SLC7A4: variants seen among roughly 807,000 people sequenced by gnomAD.
The protein encoded by SLC7A4 is cationic amino acid transporter 4.
SLC7A4 carries 30 observed loss-of-function variants against 37.8 expected under a neutral mutation model. The ratio of observed to expected loss-of-function variants is 0.79; its 90% CI spans 0.59 to 1.08. The LOEUF is 1.08. Ranked by LOEUF, SLC7A4 falls within the 50% of genes least tolerant of loss-of-function variation. The pLI, the probability that SLC7A4 is intolerant of heterozygous loss-of-function variation, is 0.00. For missense variants in SLC7A4, 839 were observed against 843.2 expected (o/e 1.00, Z 0.06); for synonymous variants, 359 against 376.5 (o/e 0.95, Z 0.54).
rs753835277 is a variant in SLC7A4 at position 21,031,746 on chromosome 22, G to T, written c.67C>A (p.Pro23Thr). 3.8e-6 allele frequency: 6 copies of T among 1,587,414 alleles called. No individual in the cohort carries two copies. Among genetic ancestry groups the T allele is most frequent in the Non-Finnish European group, 5.1e-6 (6 of 1,167,364 alleles). The change falls in exon 2 of 5, where the codon CCG becomes ACG. Residue 23 changes from proline (P) to threonine (T), a missense_variant. Physicochemically the swap from Pro to Thr is conservative, Grantham distance 38. Coordinates refer to ENST00000382932, the MANE Select transcript of SLC7A4 (RefSeq NM_004173.3). Reference sequence around the variant, plus strand: ...GTCTCCATGGTGGAGTCCTCCAGCGGCTTCAGGCGGTTCAGCTTCTGGCAT... The same window carrying T: ...GTCTCCATGGTGGAGTCCTCCAGCGTCTTCAGGCGGTTCAGCTTCTGGCAT... Reference protein sequence around the residue: ...RLCQKLNRLKPLEDSTMETSL... With the variant: ...RLCQKLNRLKTLEDSTMETSL...
chr22:21,030,287 G>A lies in SLC7A4; in HGVS notation c.1047C>T (p.Ala349=), dbSNP rs371200034. The A allele has an allele frequency of 1.5e-4, 240 of 1,613,688 alleles. 1 individual carries two copies. The South Asian group carries it at 2.4e-3, about 16-fold the overall frequency. The change falls in exon 3 of 5, where the codon GCC becomes GCT. Residue 349 remains alanine (A), a synonymous_variant. Coordinates refer to ENST00000382932, the MANE Select transcript of SLC7A4 (RefSeq NM_004173.3). ...CAAACACCTGGAAGAAGAGCCCATCGGCGGCCATGGCATAGACAATGCGTG... is the reference window on the plus strand; with the variant it reads ...CAAACACCTGGAAGAAGAGCCCATCAGCGGCCATGGCATAGACAATGCGTG... ...SLPRIVYAMA[A]DGLFFQVFAH... is the part of the protein sequence containing the mutation.
At position 21,030,828 on chromosome 22, in the gene SLC7A4, CA is replaced by C; in HGVS notation, c.982+2del. The C allele has an allele frequency of 6.4e-7, 1 of 1,567,600 alleles. No homozygotes were observed. Among genetic ancestry groups the C allele is most frequent in the Non-Finnish European group, 8.6e-7 (1 of 1,157,356 alleles). ...GCCACCCTGCCCAGGAAGAGTCTCT[CA>C]CCGCAGATGGAGCCAGCTGCCACGA... On this transcript the variant is annotated splice_donor_variant, in intron 2 of 4. Transcript: ENST00000382932. LOFTEE classifies it high-confidence loss of function.
chr22:21,029,638 C>G, intron 3 of SLC7A4, 73 bp downstream of exon 3: 16 of 1,499,372 alleles, frequency 1.1e-5, no homozygotes, highest in Non-Finnish European at 1.4e-5. Context: ...CTTGTTCATT[C>G]TGGGATGGTA....
At chr22:21,030,450 A>G (rs1928849282) in intron 2 of SLC7A4, 99 bp from the exon 3 acceptor site, 3 of 1,243,006 alleles carry the variant, frequency 2.4e-6, no homozygotes, top group Admixed American at 2.5e-5. Flanking sequence ...GAACAAGGGC[A>G]TGAGCTTGTC....
rs145135236 is a variant in SLC7A4 at position 21,029,360 on chromosome 22, G to C, written c.1708C>G (p.Arg570Gly). ...MLKLSYLTWV[R>G]FSIWLLMGLA... ...CCCATCAGCAGCCAGATGGAGAAGC[G>C]CACCCAGGTCAGATAGCTAAGTTTC... is the stretch of plus-strand genomic sequence containing the variant. Residue 570 changes from arginine (R) to glycine (G), a missense_variant, in exon 4 of 5, where the codon CGC (arginine) becomes GGC (glycine). Transcript: ENST00000382932. The C allele has an allele frequency of 6.2e-7, 1 of 1,613,518 alleles. No homozygotes were observed. Among genetic ancestry groups the C allele is most frequent in the African/African-American group, 1.3e-5 (1 of 74,904 alleles).
At position 21,032,516 on chromosome 22, in the gene SLC7A4, T is replaced by G. The variant is rs1290581461; in HGVS notation, c.-41+15A>C. ...CGTCCCAGTCCCCGTCCCCGCAGGA[T>G]CTGCTGCAACCCACCTGCTGCTGCC... On this transcript the variant is annotated intron_variant, in intron 1 of 4. Transcript: ENST00000382932. 2.6e-5 allele frequency: 4 copies of G among 152,640 alleles called. No individual in the cohort carries two copies. Among genetic ancestry groups the G allele is most frequent in the Admixed American group, 6.6e-5 (1 of 15,236 alleles). The allele number at this position is 152,640 out of a possible 1,614,324, so 9.5% of individuals were successfully genotyped here.
In SLC7A4 at chr22:21,031,124, G is replaced by A; in HGVS notation, c.689C>T (p.Ala230Val). ...HNWSADEGGF[A>V]PFGFSGVMAG... ...CATGACGCCGGAGAAGCCGAAGGGTGCAAAGCCGCCTTCGTCAGCGCTCCA... is the reference window on the plus strand; with the variant it reads ...CATGACGCCGGAGAAGCCGAAGGGTACAAAGCCGCCTTCGTCAGCGCTCCA... Residue 230 changes from alanine to valine, a missense_variant, in exon 2 of 5, where the codon GCA becomes GTA. Ala to Val is a moderately conservative substitution (Grantham distance 64, BLOSUM62 0). Transcript: ENST00000382932. 3.7e-6 allele frequency: 6 copies of A among 1,613,788 alleles called. No individual in the cohort carries two copies. Among genetic ancestry groups the A allele is most frequent in the Non-Finnish European group, 5.1e-6 (6 of 1,179,868 alleles).
At chr22:21,029,522 A>C (rs1365588248) in intron 3 of SLC7A4, 78 bp from the exon 4 acceptor site, 2 of 1,283,972 alleles carry the variant, frequency 1.6e-6, no homozygotes, top group Non-Finnish European at 2.3e-6. Flanking sequence ...TTTCTCGGGA[A>C]TCCATAGAGC....
chr22:21,030,875 C>A lies in SLC7A4; in HGVS notation c.938G>T (p.Gly313Val). 1.9e-6 allele frequency: 3 copies of A among 1,610,144 alleles called. No individual in the cohort carries two copies. The highest frequency in any genetic ancestry group is 2.5e-6 in the Non-Finnish European group (3 of 1,178,020). Residue 313 changes from glycine to valine, a missense_variant, in exon 2 of 5, where the codon GGC (glycine) becomes GTC (valine). Gly to Val is a moderately radical substitution (Grantham distance 109). Transcript: ENST00000382932. ...CACGATGAAGCCAGCCCACCTGTAGCCCCGCTGGTAGAAGGCATCTGCAAG... is the reference window on the plus strand; with the variant it reads ...CACGATGAAGCCAGCCCACCTGTAGACCCGCTGGTAGAAGGCATCTGCAAG... ...SALADAFYQR[G>V]YRWAGFIVAA...
Position 21,028,804 on chromosome 22 carries a change from G to A in SLC7A4, c.*251C>T, listed in dbSNP as rs561282412. On this transcript the variant is annotated 3_prime_UTR_variant, in exon 5 of 5. Coordinates refer to ENST00000382932, the MANE Select transcript of SLC7A4 (RefSeq NM_004173.3). Reference sequence around the variant, plus strand: ...CCTTCCCATCCACCCCACCACAACTGCCCAGGTAGCTGGAGCTGATCATAA... The same window carrying A: ...CCTTCCCATCCACCCCACCACAACTACCCAGGTAGCTGGAGCTGATCATAA... The A allele has an allele frequency of 2.6e-5, 11 of 416,266 alleles. No individual in the cohort carries two copies. Among genetic ancestry groups the A allele is most frequent in the Non-Finnish European group, 1.7e-5 (4 of 235,402 alleles). The allele number at this position is 416,266 out of a possible 1,614,324, so 25.8% of individuals were successfully genotyped here. A position where few individuals can be genotyped will look rare whatever the true frequency, so the allele number is the denominator to read the frequency against.
In SLC7A4 at chr22:21,029,447, G is replaced by A. The variant is rs1928801475; in HGVS notation, c.1624-3C>T. On this transcript the variant is annotated splice_polypyrimidine_tract_variant and splice_region_variant and intron_variant, in intron 3 of 4. Transcript: ENST00000382932. ...GGAATCAGGGGAACCATGGGGATCT[G>A]AGGAGGCAGAGGCAGGGCAGGGCTG... 6.9e-6 allele frequency: 11 copies of A among 1,603,806 alleles called. No individual in the cohort carries two copies. Among genetic ancestry groups the A allele is most frequent in the Non-Finnish European group, 9.4e-6 (11 of 1,171,374 alleles).
intron 3 of SLC7A4, 51 bp from the exon 4 acceptor site, chr22:21,029,495 G>A: frequency 7.1e-7 from 1 of 1,402,842 alleles, no homozygotes. Context: ...GGAAAGATCT[G>A]CCAGCCCAGG....
Position 21,030,864 on chromosome 22 carries a change from C to T in SLC7A4, c.949G>A (p.Ala317Thr), listed in dbSNP as rs914033756. ...DAFYQRGYRW[A>T]GFIVAAGSIC... is the part of the protein sequence containing the mutation. ...GAGCCAGCTGCCACGATGAAGCCAG[C>T]CCACCTGTAGCCCCGCTGGTAGAAG... The change falls in exon 2 of 5, where the codon GCT becomes ACT. Residue 317 changes from alanine to threonine, a missense_variant. By Grantham distance (58) the Ala-to-Thr change is moderately conservative (BLOSUM62 0). Transcript: ENST00000382932. 3.1e-6 allele frequency: 5 copies of T among 1,603,868 alleles called. No homozygotes were observed. Among genetic ancestry groups the T allele is most frequent in the African/African-American group, 2.7e-5 (2 of 74,678 alleles).
chr22:21,032,047 A>G (rs1404204113), intron 1 of SLC7A4, among the ~76,000 whole-genome samples, 195 bp from the exon 2 acceptor site: 1 of 152,318 alleles, frequency 6.6e-6, no homozygotes, highest in East Asian at 1.9e-4. Flanking sequence ...GGAAGCCTGG[A>G]GGCCCTGTCT....
Position 21,029,204 on chromosome 22 carries a change from T to C in SLC7A4, c.1759A>G (p.Ile587Val). 1 of 1,613,900 alleles carries C rather than the reference T, an allele frequency of 6.2e-7. No homozygotes were observed. Among genetic ancestry groups the C allele is most frequent in the Middle Eastern group, 1.7e-4 (1 of 6,060 alleles). ...CGCTGGTTCTCCTTGCTATGCCGGA[T>C]GCCATAGCCGAAATACACTGCAAGT... ...MGLAVYFGYGIRHSKENQREL... is the reference protein window; with the variant it reads ...MGLAVYFGYGVRHSKENQREL... Residue 587 changes from isoleucine to valine, a missense_variant, in exon 5 of 5, where the codon ATC becomes GTC. Physicochemically the swap from Ile to Val is conservative, Grantham distance 29. Coordinates refer to ENST00000382932, the MANE Select transcript of SLC7A4 (RefSeq NM_004173.3).
At position 21,031,689 on chromosome 22, in the gene SLC7A4, G is replaced by C. The variant is rs1349796205; in HGVS notation, c.124C>G (p.Leu42Val). 6.2e-7 allele frequency: 1 copy of C among 1,613,548 alleles called. No homozygotes were observed. The highest frequency in any genetic ancestry group is 1.3e-5 in the African/African-American group (1 of 74,944). The change falls in exon 2 of 5, where the codon CTG (leucine) becomes GTG (valine). Residue 42 changes from leucine to valine, a missense_variant. Physicochemically the swap from Leu to Val is conservative, Grantham distance 32 (BLOSUM62 1). Transcript: ENST00000382932. ...SLRRCLSTLD[L>V]TLLGVGGMVG... is the part of the protein sequence containing the mutation. ...ATGCCACCCACGCCCAGAAGAGTCAGGTCCAGCGTGGACAGGCAGCGCCGC... is the reference window on the plus strand; with the variant it reads ...ATGCCACCCACGCCCAGAAGAGTCACGTCCAGCGTGGACAGGCAGCGCCGC...
rs1294344945 is a variant in SLC7A4, at chr22:21,029,288, C to T, written c.1732+48G>A. On this transcript the variant is annotated intron_variant, in intron 4 of 4. Coordinates refer to ENST00000382932, the MANE Select transcript of SLC7A4 (RefSeq NM_004173.3). ...AGGTACAGGTTCCAGCCCTTCCTGTCCTCTTTGCCCTCCTCCTGACCCCGG... is the reference window on the plus strand; with the variant it reads ...AGGTACAGGTTCCAGCCCTTCCTGTTCTCTTTGCCCTCCTCCTGACCCCGG... 5 of 1,611,928 alleles carry T rather than the reference C, an allele frequency of 3.1e-6. No individual in the cohort carries two copies. The East Asian group carries it at 6.7e-5, about 22-fold the overall frequency.
intron 3 of SLC7A4, 33 bp from the exon 4 acceptor site, chr22:21,029,477 G>C (rs774120729): frequency 6.6e-7 from 1 of 1,521,496 alleles, no homozygotes; most frequent in South Asian, 1.1e-5. Flanking sequence ...GGGCTGGGCC[G>C]GGCTGCAGGA....
chr22:21,029,939 G>A lies in SLC7A4; in HGVS notation c.1395C>T (p.Tyr465=). The A allele has an allele frequency of 6.2e-7, 1 of 1,613,940 alleles. No individual in the cohort carries two copies. The highest frequency in any genetic ancestry group is 8.5e-7 in the Non-Finnish European group (1 of 1,179,998). The change falls in exon 3 of 5, where the codon TAC becomes TAT. Residue 465 remains tyrosine (Y), a synonymous_variant. Transcript: ENST00000382932. ...GGCTGTACCCATCCAAGAAGCCCAGGTAGGGCCTCAGGGCTGGCTTCAGCT... is the reference window on the plus strand; with the variant it reads ...GGCTGTACCCATCCAAGAAGCCCAGATAGGGCCTCAGGGCTGGCTTCAGCT... ...PGELKPALRP[Y]LGFLDGYSPG...
Sources: gnomAD v4.1 joint callset for allele counts (sites outside exome capture counted in the v4.1 genomes callset) on GRCh38, gnomAD v4.1.1 for gene constraint, MANE v1.5 for transcripts, NCBI Gene and HGNC (gene_info 2026-07-23, HGNC 2026-07-21) for gene names.